Variants in ANKFY1 observed in about 807,000 individuals in gnomAD.
ANKFY1 encodes the protein ankyrin repeat and FYVE domain-containing protein 1.
In ANKFY1, 47 loss-of-function variants were observed where a neutral mutation model predicts 128.3. That is an observed-to-expected ratio of 0.37 (90% CI 0.29 to 0.47). The LOEUF (loss-of-function observed/expected upper bound fraction) is 0.47. ANKFY1 is among the 20% of genes least tolerant of loss of function. ANKFY1 has a pLI of 1.00. For missense variants in ANKFY1, 1,222 were observed against 1,510.6 expected (o/e 0.81, Z 3.17); for synonymous variants, 553 against 601.6 (o/e 0.92, Z 1.18).
At chr17:4,177,030 C>T in intron 19 of ANKFY1, 96 bp downstream of exon 19, 1 of 1,306,502 alleles carries the variant, frequency 7.7e-7, no homozygotes, top group Non-Finnish European at 1.0e-6. Context: ...GGTGCTTTCA[C>T]AACACCGGGC....
In ANKFY1 at chr17:4,252,565, C is replaced by CAAA. The variant is rs372440248; in HGVS notation, c.11-10120_11-10118dup. On this transcript the variant is annotated intron_variant, in intron 1 of 24. Transcript: ENST00000341657. ...GCCTGGGTAACAAAAAACAAACAAA[C>CAAA]AAAAAAAAAATTGGAGAACTAGAAG... Among the ~76,000 whole-genome samples, 17 of 147,448 alleles carry CAAA rather than the reference C, an allele frequency of 1.2e-4. 1 individual carries two copies. Among genetic ancestry groups the CAAA allele is most frequent in the African/African-American group, 4.2e-4 (17 of 40,354 alleles).
chr17:4,209,593 G>T (rs989621665), intron 5 of ANKFY1, among the ~76,000 whole-genome samples: 2 of 152,176 alleles, frequency 1.3e-5, no homozygotes, highest in Non-Finnish European at 2.9e-5. Flanking sequence ...GAGCCACCGC[G>T]CCTGGCCAGA....
At position 4,166,604 on chromosome 17, in the gene ANKFY1, G is replaced by A; in HGVS notation, c.*1175C>T. 1.3e-5 allele frequency: 2 copies of A among 152,462 alleles called. 1 individual carries two copies. Among genetic ancestry groups the A allele is most frequent in the South Asian group, 4.1e-4 (2 of 4,832 alleles). The allele number at this position is 152,462 out of a possible 1,614,324, so 9.4% of individuals were successfully genotyped here. A position where few individuals can be genotyped will look rare whatever the true frequency, so the allele number is the denominator to read the frequency against. ...ACAAGCCAGAGACTTCCAAAGTAAG[G>A]TGGCGCACACGTGGCCAGGGCCCTT... is the stretch of plus-strand genomic sequence containing the variant. On this transcript the variant is annotated 3_prime_UTR_variant, in exon 25 of 25. Transcript: ENST00000341657.
intron 3 of ANKFY1, among the ~76,000 whole-genome samples, chr17:4,235,272 G>A (rs1207478182): frequency 1.3e-5 from 2 of 150,388 alleles, no homozygotes; most frequent in African/African-American, 4.9e-5. Context: ...GAACCTGGGA[G>A]GTGGAGGTTG....
intron 3 of ANKFY1, among the ~76,000 whole-genome samples, chr17:4,220,953 A>C (rs919527997): frequency 4.6e-5 from 7 of 152,242 alleles, no homozygotes; most frequent in African/African-American, 7.2e-5. Context: ...ATCTCTCAGA[A>C]GGCCCTGCAT....
chr17:4,238,468 C>T (rs1967028116), intron 2 of ANKFY1, among the ~76,000 whole-genome samples: 1 of 151,440 alleles, frequency 6.6e-6, no homozygotes, highest in African/African-American at 2.4e-5. Context: ...AGATAAACAG[C>T]AGGTTTTTTT....
rs373520900 is a variant in ANKFY1, at chr17:4,179,739, A to C, written c.2379T>G (p.Gly793=). Reference sequence around the variant, plus strand: ...GACACACCTGTGCGTTCACGTTGGCACCAAACTCCAGAAGACACTGTACTG... The same window carrying C: ...GACACACCTGTGCGTTCACGTTGGCCCCAAACTCCAGAAGACACTGTACTG... The part of the protein sequence containing the change: ...EETVQCLLEF[G]ANVNAQDAEG... Residue 793 remains glycine, a synonymous_variant, in exon 17 of 25, where the codon GGT becomes GGG. Coordinates refer to ENST00000341657, the MANE Select transcript of ANKFY1 (RefSeq NM_001330063.2). 1 of 1,614,046 alleles carries C rather than the reference A, an allele frequency of 6.2e-7. No homozygotes were observed. The highest frequency in any genetic ancestry group is 8.5e-7 in the Non-Finnish European group (1 of 1,180,034).
chr17:4,249,235 G>T (rs1276658158), intron 1 of ANKFY1: 1 of 378,738 alleles, frequency 2.6e-6, no homozygotes, highest in African/African-American at 2.2e-5. Flanking sequence ...CAGTCTCTGG[G>T]GCACTACTCA....
intron 7 of ANKFY1, among the ~76,000 whole-genome samples, chr17:4,203,444 A>C (rs2059967818): frequency 6.6e-6 from 1 of 152,178 alleles, no homozygotes; most frequent in African/African-American, 2.4e-5. Context: ...TATTCAATTA[A>C]TACAAACCAT....
Position 4,242,361 on chromosome 17 carries a change from C to T in ANKFY1, c.98G>A (p.Arg33His), listed in dbSNP as rs867176663. The change falls in exon 2 of 25, where the codon CGC (arginine) becomes CAC (histidine). Residue 33 changes from arginine to histidine, a missense_variant. Physicochemically the swap from Arg to His is conservative, Grantham distance 29. Transcript: ENST00000341657. ...TGCCTGCGCAGCCAAGAGAGCGCAG[C>T]GCTTCTCTGTCTCCGCCAGCTTCTT... ...LQKKLAETEK[R>H]CALLAAQANK... The T allele has an allele frequency of 1.9e-6, 3 of 1,604,514 alleles. No homozygotes were observed. The highest frequency in any genetic ancestry group is 1.1e-5 in the South Asian group (1 of 89,496).
intron 7 of ANKFY1, among the ~76,000 whole-genome samples, chr17:4,206,070 C>CAG: frequency 6.6e-6 from 1 of 152,254 alleles, no homozygotes; most frequent in Non-Finnish European, 1.5e-5. Context: ...GGTACTTCTT[C>CAG]ACACAAGTAC....
chr17:4,171,574 G>A (rs1482665968), intron 22 of ANKFY1, among the ~76,000 whole-genome samples: 2 of 152,206 alleles, frequency 1.3e-5, no homozygotes, highest in Non-Finnish European at 2.9e-5. Flanking sequence ...GAATGCGACA[G>A]GGCCAGGCAT....
At chr17:4,187,139 C>T (rs573681783) in intron 11 of ANKFY1, 3 of 632,928 alleles carry the variant, frequency 4.7e-6, no homozygotes, top group Non-Finnish European at 4.5e-6. Context: ...ACCCTTTTAT[C>T]CCCCACCGCC....
At chr17:4,262,396 G>C (rs1043112590) in intron 1 of ANKFY1, among the ~76,000 whole-genome samples, 1 of 152,132 alleles carries the variant, frequency 6.6e-6, no homozygotes, top group South Asian at 2.1e-4. Context: ...CGAGTACCTG[G>C]AATTACAGAC....
intron 3 of ANKFY1, chr17:4,223,057 G>A: frequency 5.4e-6 from 4 of 738,834 alleles, no homozygotes; most frequent in Non-Finnish European, 7.4e-6. Flanking sequence ...GGTACTCTTG[G>A]GCATATTTTC....
At chr17:4,170,892 T>A in intron 22 of ANKFY1, 31 bp from the exon 23 acceptor site, 1 of 1,613,548 alleles carries the variant, frequency 6.2e-7, no homozygotes, top group Non-Finnish European at 8.5e-7. Flanking sequence ...CAGGGCTACT[T>A]CCCACCCGGC....
At chr17:4,263,633 T>A in intron 1 of ANKFY1, 1 of 1,534,812 alleles carries the variant, frequency 6.5e-7, no homozygotes, top group Non-Finnish European at 8.7e-7. Context: ...ATCAAGAGCC[T>A]CCCGTGCTGC....
intron 1 of ANKFY1, among the ~76,000 whole-genome samples, chr17:4,258,940 T>A (rs1968267034): frequency 6.6e-6 from 1 of 152,182 alleles, no homozygotes; most frequent in Non-Finnish European, 1.5e-5. Flanking sequence ...ACAAAAAAAT[T>A]ACATTTTTTT....
At chr17:4,188,644 TG>T (rs1242285121) in intron 11 of ANKFY1, 2 of 152,160 alleles carry the variant, frequency 1.3e-5, no homozygotes, top group African/African-American at 4.8e-5. Context: ...CACATCCTCA[TG>T]GTCTGAAAAT....
Sources: allele counts gnomAD v4.1 joint callset (sites outside exome capture counted in the v4.1 genomes callset), GRCh38; gene constraint gnomAD v4.1.1; transcripts MANE v1.5; gene names NCBI Gene and HGNC (gene_info 2026-07-23, HGNC 2026-07-21).